Variants in C2CD2 observed in about 807,000 individuals in gnomAD.
The protein encoded by C2CD2 is C2 calcium dependent domain containing 2, also known as C2 domain-containing protein 2.
C2CD2 carries 43 observed loss-of-function variants against 74.3 expected under a neutral mutation model. The observed-to-expected ratio is 0.58, with a 90% CI of 0.45 to 0.75. C2CD2 has a LOEUF of 0.75. C2CD2 is among the 30% of genes least tolerant of loss of function. The pLI is 0.00. For missense variants in C2CD2, 801 were observed against 916.3 expected (o/e 0.87, Z 1.63); for synonymous variants, 422 against 390.7 (o/e 1.08, Z -0.94).
intron 1 of C2CD2, among the ~76,000 whole-genome samples, chr21:41,949,084 C>T (rs77709708): frequency 0.012 from 1,752 of 151,980 alleles, 37 homozygotes; most frequent in African/African-American, 0.04. Context: ...ACACAGGCCT[C>T]GCTTCGGGAC....
chr21:41,901,620 A>G lies in C2CD2; in HGVS notation c.1560+2T>C. The G allele has an allele frequency of 6.2e-7, 1 of 1,614,164 alleles. No homozygotes were observed. Among genetic ancestry groups the G allele is most frequent in the Non-Finnish European group, 8.5e-7 (1 of 1,179,988 alleles). ...ACACCTCCCCAGCCACCACGATGGT[A>G]CCTTGGAGATCCCTGATATGATAAT... On this transcript the variant is annotated splice_donor_variant, in intron 12 of 13. Coordinates refer to ENST00000380486, the MANE Select transcript of C2CD2 (RefSeq NM_015500.2). LOFTEE classifies it high-confidence loss of function.
At chr21:41,916,884 T>C (rs756039198) in intron 5 of C2CD2, among the ~76,000 whole-genome samples, 18 of 152,230 alleles carry the variant, frequency 1.2e-4, no homozygotes, top group Non-Finnish European at 2.2e-4. Context: ...CGCATACATT[T>C]TGACATTAAA....
chr21:41,896,723 A>C (rs978015483), intron 13 of C2CD2, among the ~76,000 whole-genome samples: 4 of 151,704 alleles, frequency 2.6e-5, no homozygotes, highest in African/African-American at 9.7e-5. Context: ...AAAAAAAAAA[A>C]AAAAAACAAG....
chr21:41,920,111 C>G (rs1263182430), intron 3 of C2CD2, among the ~76,000 whole-genome samples: 1 of 152,190 alleles, frequency 6.6e-6, no homozygotes, highest in Non-Finnish European at 1.5e-5. Flanking sequence ...GTCCCGTAAT[C>G]CCATGGAATG....
intron 2 of C2CD2, among the ~76,000 whole-genome samples, chr21:41,936,605 T>C (rs2065309154): frequency 6.6e-6 from 1 of 152,134 alleles, no homozygotes; most frequent in Admixed American, 6.6e-5. Flanking sequence ...CTGTTAACCC[T>C]TGAACAACGT....
At chr21:41,951,555 C>T (rs565352226) in intron 1 of C2CD2, among the ~76,000 whole-genome samples, 2 of 152,260 alleles carry the variant, frequency 1.3e-5, no homozygotes, top group African/African-American at 4.8e-5. Flanking sequence ...AGAGAGAGAA[C>T]AGAGAAGGCG....
Position 41,903,029 on chromosome 21 carries a change from C to G in C2CD2, c.1433-1280G>C, listed in dbSNP as rs896110422. Among the ~76,000 whole-genome samples, 2 of 152,140 alleles carry G rather than the reference C, an allele frequency of 1.3e-5. No individual in the cohort carries two copies. The highest frequency in any genetic ancestry group is 2.4e-5 in the African/African-American group (1 of 41,422). ...AAGGCCAATAAGTGAATCAATCATG[C>G]CTACATACCTACTTATAGAAGCACC... On this transcript the variant is annotated intron_variant, in intron 11 of 13. Transcript: ENST00000380486. The surrounding 1 kb of genome is among the most constrained non-coding windows in gnomAD (Gnocchi z 4.5).
rs2065175319 is a variant in C2CD2, at chr21:41,923,265, T to C, written c.379-1180A>G. Among the ~76,000 whole-genome samples the C allele has an allele frequency of 6.6e-6, 1 of 152,202 alleles. No individual in the cohort carries two copies. The highest frequency in any genetic ancestry group is 2.4e-5 in the African/African-American group (1 of 41,436). On this transcript the variant is annotated intron_variant, in intron 2 of 13. Coordinates refer to ENST00000380486, the MANE Select transcript of C2CD2 (RefSeq NM_015500.2). This position sits in a 1 kb window ranked among gnomAD's most constrained non-coding sequence, Gnocchi z 5.8. ...ACCTCGGCCTTCCAAAGTGCTAGGA[T>C]TACAGGCATGAGCCACCGTGCCCGG...
At chr21:41,921,720 C>T (rs1171098633) in intron 3 of C2CD2, among the ~76,000 whole-genome samples, 8 of 151,886 alleles carry the variant, frequency 5.3e-5, no homozygotes, top group South Asian at 2.1e-4. Flanking sequence ...TTCAAATGCC[C>T]GAAAGAGGCA....
chr21:41,947,208 AGT>A (rs1350468999), intron 1 of C2CD2, among the ~76,000 whole-genome samples: 1 of 134,274 alleles, frequency 7.4e-6, no homozygotes, highest in African/African-American at 2.9e-5. Context: ...CCCAGGCTGG[AGT>A]GCAATGGCGC....
At chr21:41,901,866 G>A (rs2064902904) in intron 11 of C2CD2, 117 bp from the exon 12 acceptor site, 5 of 878,550 alleles carry the variant, frequency 5.7e-6, no homozygotes, top group South Asian at 1.5e-5. Context: ...TTCTAAAAGG[G>A]GCCAAAGGGT....
At chr21:41,932,230 C>T (rs1176902306) in intron 2 of C2CD2, among the ~76,000 whole-genome samples, 1 of 149,894 alleles carries the variant, frequency 6.7e-6, no homozygotes, top group Non-Finnish European at 1.5e-5. Flanking sequence ...AGGTGCCGGG[C>T]GGGTGGCTCG....
Position 41,914,701 on chromosome 21 carries a change from A to T in C2CD2, c.741T>A (p.Ser247=). 6.2e-7 allele frequency: 1 copy of T among 1,613,670 alleles called. No individual in the cohort carries two copies. Among genetic ancestry groups the T allele is most frequent in the Non-Finnish European group, 8.5e-7 (1 of 1,179,638 alleles). ...TAGGAGGACAGGATTCCTGAGCAGT[A>T]GATGCAGCACACTGTAAGTTCTGAA... ...KEAQNLQCAA[S]TAQESCPPKP... Residue 247 remains serine (S), a synonymous_variant, in exon 6 of 14, where the codon TCT becomes TCA. Coordinates refer to ENST00000380486, the MANE Select transcript of C2CD2 (RefSeq NM_015500.2).
intron 12 of C2CD2, among the ~76,000 whole-genome samples, chr21:41,900,484 T>C (rs2064881504): frequency 6.6e-6 from 1 of 152,128 alleles, no homozygotes; most frequent in South Asian, 2.1e-4. Flanking sequence ...ACCCAACTAC[T>C]GGGCCCCGGA....
chr21:41,918,545 G>T (rs2065118974), intron 4 of C2CD2, among the ~76,000 whole-genome samples: 2 of 152,122 alleles, frequency 1.3e-5, no homozygotes, highest in Non-Finnish European at 1.5e-5. Flanking sequence ...ATCATCCCCA[G>T]CCAATTAAAC....
At chr21:41,953,005 A>T in intron 1 of C2CD2, 2 of 244,658 alleles carry the variant, frequency 8.2e-6, no homozygotes, top group Non-Finnish European at 1.6e-5. Flanking sequence ...TTCATGTATC[A>T]TGTGCAAGCT....
intron 1 of C2CD2, 26 bp from the exon 2 acceptor site, chr21:41,942,271 G>A (rs1457205309): frequency 6.6e-7 from 1 of 1,512,220 alleles, no homozygotes. Flanking sequence ...AGCATGAGGA[G>A]GGCATGCACA....
intron 3 of C2CD2, among the ~76,000 whole-genome samples, chr21:41,921,337 G>A (rs2146198345): frequency 6.6e-6 from 1 of 152,318 alleles, no homozygotes; most frequent in East Asian, 1.9e-4. Context: ...TGAATATCTG[G>A]CCGGATGTGA....
chr21:41,951,112 C>T lies in C2CD2; in HGVS notation c.279+2258G>A, dbSNP rs2065447130. Among the ~76,000 whole-genome samples the T allele has an allele frequency of 2.0e-5, 3 of 152,282 alleles. No individual in the cohort carries two copies. In the South Asian group the frequency reaches 6.2e-4, roughly 32 times the overall value. ...TCCCACACCGCCATCACTGTCACAA[C>T]AGCGATGGCCCAGGATGCTGGGATG... On this transcript the variant is annotated intron_variant, in intron 1 of 13. Transcript: ENST00000380486.
Sources: gnomAD v4.1 joint callset for allele counts (sites outside exome capture counted in the v4.1 genomes callset) on GRCh38, gnomAD v4.1.1 for gene constraint, Gnocchi (gnomAD v3.1) non-coding constraint, MANE v1.5 for transcripts, NCBI Gene and HGNC (gene_info 2026-07-23, HGNC 2026-07-21) for gene names.